TOX4: variants seen among roughly 807,000 people sequenced by gnomAD.
TOX4 encodes the protein epidermal Langerhans cell protein LCP1.
TOX4 carries 12 observed loss-of-function variants against 61.0 expected under a neutral mutation model. That is an observed-to-expected ratio of 0.20 (90% CI 0.13 to 0.32). The LOEUF is 0.32. TOX4 is among the 10% of genes least tolerant of loss of function. The pLI is 1.00. For missense variants in TOX4, 499 were observed against 753.3 expected (o/e 0.66, Z 3.95); for synonymous variants, 268 against 274.8 (o/e 0.98, Z 0.24).
intron 5 of TOX4, among the ~76,000 whole-genome samples, chr14:21,491,013 C>T (rs141332023): frequency 0.015 from 2,318 of 152,316 alleles, 40 homozygotes; most frequent in African/African-American, 0.053. Flanking sequence ...TTAGTAGAGA[C>T]AGGGTTTCAC....
At chr14:21,495,656 CTGTTAG>C (rs1193949089) in intron 8 of TOX4, 1 of 231,188 alleles carries the variant, frequency 4.3e-6, no homozygotes, top group Admixed American at 5.6e-5. Flanking sequence ...ATACATTAAG[CTGTTAG>C]TGTTTGCAAA....
rs749980735 is a variant in TOX4, at chr14:21,498,413, T to G, written c.*1807T>G. 1.9e-6 allele frequency: 3 copies of G among 1,592,354 alleles called. No individual in the cohort carries two copies. Among genetic ancestry groups the G allele is most frequent in the Non-Finnish European group, 1.7e-6 (2 of 1,161,554 alleles). On this transcript the variant is annotated 3_prime_UTR_variant, in exon 9 of 9. Coordinates refer to ENST00000448790, the MANE Select transcript of TOX4 (RefSeq NM_014828.4). ...AGGGGCAAACCAGAAATCCTGGAATTAGAGGGTTTAATATTGTTAAAAAAT... is the reference window on the plus strand; with the variant it reads ...AGGGGCAAACCAGAAATCCTGGAATGAGAGGGTTTAATATTGTTAAAAAAT...
In TOX4 at chr14:21,498,515, T is replaced by A; in HGVS notation, c.*1909T>A. The stretch of plus-strand genomic sequence containing the variant: ...AAGAGCTTAACATTAGAATAGTATA[T>A]GGTAGAATTACTAGTTCAGAATTGG... On this transcript the variant is annotated 3_prime_UTR_variant, in exon 9 of 9. Coordinates refer to ENST00000448790, the MANE Select transcript of TOX4 (RefSeq NM_014828.4). 1.4e-6 allele frequency: 1 copy of A among 715,754 alleles called. No homozygotes were observed. The highest frequency in any genetic ancestry group is 2.3e-6 in the Non-Finnish European group (1 of 436,494). The allele number at this position is 715,754 out of a possible 1,614,324, so 44.3% of individuals were successfully genotyped here. A position where few individuals can be genotyped will look rare whatever the true frequency, so the allele number is the denominator to read the frequency against.
At position 21,492,381 on chromosome 14, in the gene TOX4, G is replaced by A. The variant is rs1474432492; in HGVS notation, c.891+5G>A. ...AAAGACAACCAGGAGTGTCAGGTAA[G>A]AGGGATAGGATAGAATGAATATTTA... is the stretch of plus-strand genomic sequence containing the variant. On this transcript the variant is annotated splice_donor_5th_base_variant and intron_variant, in intron 6 of 8. Transcript: ENST00000448790. 6.8e-6 allele frequency: 11 copies of A among 1,613,876 alleles called. No homozygotes were observed. Among genetic ancestry groups the A allele is most frequent in the Non-Finnish European group, 7.6e-6 (9 of 1,179,974 alleles).
chr14:21,491,503 C>T (rs1185386428), intron 5 of TOX4, among the ~76,000 whole-genome samples: 5 of 151,556 alleles, frequency 3.3e-5, no homozygotes, highest in Admixed American at 6.6e-5. Flanking sequence ...GGACTATAGG[C>T]GCCCATCACC....
At chr14:21,496,480 A>T in intron 8 of TOX4, 66 bp from the exon 9 acceptor site, 1 of 1,469,396 alleles carries the variant, frequency 6.8e-7, no homozygotes, top group Non-Finnish European at 9.5e-7. Flanking sequence ...AAAAAAATGT[A>T]TCTAGGCTGT....
chr14:21,487,831 A>AC (rs1265331072), intron 3 of TOX4, 138 bp downstream of exon 3: 7 of 963,044 alleles, frequency 7.3e-6, no homozygotes, highest in Non-Finnish European at 8.4e-6. Context: ...ACAAAGACTT[A>AC]ATTTCACCTG....
At chr14:21,489,802 C>T (rs1014524138) in intron 5 of TOX4, among the ~76,000 whole-genome samples, 20 of 151,948 alleles carry the variant, frequency 1.3e-4, no homozygotes, top group Non-Finnish European at 1.3e-4. Context: ...AGGATGGTCT[C>T]GATCTCCTGA....
intron 7 of TOX4, 56 bp downstream of exon 7, chr14:21,493,313 G>A: frequency 6.5e-7 from 1 of 1,530,056 alleles, no homozygotes; most frequent in Non-Finnish European, 8.8e-7. Context: ...AATGTTTTTG[G>A]TTGACCCAAT....
Position 21,492,939 on chromosome 14 carries a change from C to G in TOX4, c.1323C>G (p.Pro441=). The G allele has an allele frequency of 6.2e-7, 1 of 1,611,580 alleles. No individual in the cohort carries two copies. Among genetic ancestry groups the G allele is most frequent in the Non-Finnish European group, 8.5e-7 (1 of 1,179,418 alleles). ...AAAASMQLPP[P]RLQPPPLQQM... ...CTGCTTCTATGCAACTGCCTCCACC[C>G]CGACTACAGCCCCCTCCATTACAAC... The change falls in exon 7 of 9, where the codon CCC becomes CCG. Residue 441 remains proline (P), a synonymous_variant. Coordinates refer to ENST00000448790, the MANE Select transcript of TOX4 (RefSeq NM_014828.4).
At chr14:21,483,623 G>A (rs955164315) in intron 2 of TOX4, among the ~76,000 whole-genome samples, 5 of 151,950 alleles carry the variant, frequency 3.3e-5, no homozygotes, top group African/African-American at 1.2e-4. Context: ...GCTGCAGTGA[G>A]TGGTGATGGA....
chr14:21,492,264 TTG>T lies in TOX4; in HGVS notation c.811-30_811-29del, dbSNP rs200182054. ...GTCTTTCCTAAGAGTATGGGGAGTT[TTG>T]TTTTTTTTTTTAAAGTCTCTTTTTT... On this transcript the variant is annotated intron_variant, in intron 5 of 8. Coordinates refer to ENST00000448790, the MANE Select transcript of TOX4 (RefSeq NM_014828.4). 10,759 of 1,449,700 alleles carry T rather than the reference TTG, an allele frequency of 7.4e-3. 6 individuals carry two copies. Among genetic ancestry groups the T allele is most frequent in the Middle Eastern group, 0.011 (56 of 5,274 alleles). 89.8% of individuals were successfully genotyped at this position (1,449,700 alleles called of 1,614,324 possible).
rs147448464 is a variant in TOX4 at position 21,496,460 on chromosome 14, C to T, written c.1806-86C>T. 129 of 1,235,424 alleles carry T rather than the reference C, an allele frequency of 1.0e-4. No homozygotes were observed. In the African/African-American group the frequency reaches 1.4e-3, roughly 13 times the overall value. The allele number at this position is 1,235,424 out of a possible 1,614,324, so 76.5% of individuals were successfully genotyped here. On this transcript the variant is annotated intron_variant, in intron 8 of 8. Coordinates refer to ENST00000448790, the MANE Select transcript of TOX4 (RefSeq NM_014828.4). ...GAGAATGGCGTGAACCCATGAGGTC[C>T]GTCTCAAAAAAAAAAATGTATCTAG...
At chr14:21,496,229 G>T in intron 8 of TOX4, 1 of 160,722 alleles carries the variant, frequency 6.2e-6, no homozygotes, top group African/African-American at 2.6e-5. Flanking sequence ...AAAAAAAAAA[G>T]ATAAAAAGAA....
chr14:21,484,467 G>GATGAAGAAAACTTGTTCAAGGTCTTGTA (rs1372322620), intron 2 of TOX4, among the ~76,000 whole-genome samples: 568 of 42,942 alleles, frequency 0.013, 208 homozygotes, highest in Middle Eastern at 0.031. Context: ...TCCTGCCTCA[G>GATGAAGAAAACTTGTTCAAGGTCTTGTA]CCTCCTGATG....
Position 21,482,298 on chromosome 14 carries a change from A to T in TOX4, c.75+4734A>T, listed in dbSNP as rs1409947590. The stretch of plus-strand genomic sequence containing the variant: ...TCATTATTTCTGGCTAAATAGGTAA[A>T]ATTTTCACTACTACATCAGTTTTTA... On this transcript the variant is annotated intron_variant, in intron 2 of 8. Transcript: ENST00000448790. Among the ~76,000 whole-genome samples, 4 of 152,280 alleles carry T rather than the reference A, an allele frequency of 2.6e-5. No individual in the cohort carries two copies. The East Asian group carries it at 7.7e-4, about 29-fold the overall frequency.
At chr14:21,480,984 G>A (rs1891097768) in intron 2 of TOX4, among the ~76,000 whole-genome samples, 1 of 152,124 alleles carries the variant, frequency 6.6e-6, no homozygotes, top group East Asian at 1.9e-4. Context: ...CAGCTACTCA[G>A]GAGGCAGAGG....
At chr14:21,494,549 C>T (rs1050238593) in intron 7 of TOX4, among the ~76,000 whole-genome samples, 4 of 152,030 alleles carry the variant, frequency 2.6e-5, no homozygotes, top group Non-Finnish European at 4.4e-5. Flanking sequence ...AGATCGAGAC[C>T]ATCCTGGCTA....
At chr14:21,477,783 A>C (rs1321692661) in intron 2 of TOX4, among the ~76,000 whole-genome samples, 5 of 152,202 alleles carry the variant, frequency 3.3e-5, no homozygotes, top group Admixed American at 3.3e-4. Context: ...GGAAAGAGAT[A>C]ACCTGTTTAA....
Sources: gnomAD v4.1 joint callset for allele counts (sites outside exome capture counted in the v4.1 genomes callset) on GRCh38, gnomAD v4.1.1 for gene constraint, MANE v1.5 for transcripts, NCBI Gene and HGNC (gene_info 2026-07-23, HGNC 2026-07-21) for gene names.